RTL4: variants seen among roughly 807,000 people sequenced by gnomAD.
The protein encoded by RTL4 is retrotransposon Gag-like protein 4.
Under a neutral mutation model 5.3 loss-of-function variants are expected in RTL4, and 4 were observed. That is an observed-to-expected ratio of 0.75 (90% CI 0.37 to 1.72). The LOEUF (loss-of-function observed/expected upper bound fraction) is 1.72, where lower values mean the gene tolerates loss of function less well. Ranked by LOEUF, RTL4 falls within the 40% of genes most tolerant of loss-of-function variation. The pLI, the probability that RTL4 is intolerant of heterozygous loss-of-function variation, is 0.04. For synonymous variants in RTL4, 98 were observed against 87.3 expected (o/e 1.12, Z -0.68); for missense variants, 260 against 227.1 (o/e 1.14, Z -0.93).
chrX:112,240,776 T>C, the RTL4 span, among the ~76,000 whole-genome samples: 3 of 111,242 alleles, frequency 2.7e-5, no homozygotes, highest in South Asian at 3.9e-4. Context: ...GCTGCACCCA[T>C]TAACGTGTCA....
the RTL4 span, among the ~76,000 whole-genome samples, chrX:112,392,316 C>T: frequency 1.9e-4 from 21 of 111,399 alleles, no homozygotes; most frequent in African/African-American, 5.2e-4. Context: ...CATAACAGTC[C>T]GGACACTTGT....
chrX:112,204,328 A>C, the RTL4 span, among the ~76,000 whole-genome samples: 1 of 112,239 alleles, frequency 8.9e-6, no homozygotes, highest in Non-Finnish European at 1.9e-5. Context: ...ATATACCCAA[A>C]AAAAAGGAAA....
the RTL4 span, among the ~76,000 whole-genome samples, chrX:112,110,263 G>A: frequency 1.8e-5 from 2 of 112,315 alleles, no homozygotes; most frequent in Non-Finnish European, 3.8e-5. Flanking sequence ...GGAGGTCTAG[G>A]CCTTGGTGGT....
chrX:112,256,257 C>T, the RTL4 span, among the ~76,000 whole-genome samples: 3 of 111,707 alleles, frequency 2.7e-5, no homozygotes, highest in African/African-American at 9.7e-5. Flanking sequence ...GAACAGTAAG[C>T]TTTCCCCCAC....
the RTL4 span, among the ~76,000 whole-genome samples, chrX:112,344,589 C>A: frequency 2.7e-5 from 3 of 111,791 alleles, no homozygotes; most frequent in Non-Finnish European, 5.6e-5. Context: ...AAGTCTGCCC[C>A]CATGACCCAG....
chrX:112,086,236 G>A, the RTL4 span, among the ~76,000 whole-genome samples: 527 of 112,140 alleles, frequency 4.7e-3, 2 homozygotes, highest in South Asian at 0.016. Flanking sequence ...ACTTCTCAGC[G>A]TGTGGCATTT....
the RTL4 span, among the ~76,000 whole-genome samples, chrX:112,126,929 CA>C: frequency 3.6e-5 from 4 of 111,501 alleles, no homozygotes; most frequent in East Asian, 1.1e-3. Context: ...AAGCAGTAAT[CA>C]AAAACATCCC....
chrX:112,162,685 T>A, the RTL4 span, among the ~76,000 whole-genome samples: 1 of 112,059 alleles, frequency 8.9e-6, no homozygotes, highest in Non-Finnish European at 1.9e-5. Flanking sequence ...TTGTTAATTA[T>A]TATTAACTCT....
chrX:112,120,133 G>A, the RTL4 span, among the ~76,000 whole-genome samples: 1 of 111,993 alleles, frequency 8.9e-6, no homozygotes, highest in South Asian at 3.7e-4. Flanking sequence ...CAAAGTTGTG[G>A]TCTTCTTTTC....
At chrX:112,103,550 A>G in the RTL4 span, among the ~76,000 whole-genome samples, 2 of 110,103 alleles carry the variant, frequency 1.8e-5, no homozygotes, top group Non-Finnish European at 3.8e-5. Flanking sequence ...ACAAACCTGC[A>G]CATCCTACAC....
chrX:112,188,930 C>T, the RTL4 span, among the ~76,000 whole-genome samples: 87 of 111,214 alleles, frequency 7.8e-4, no homozygotes, highest in African/African-American at 2.8e-3. Flanking sequence ...CACACAGCCA[C>T]CTGTTAGAGC....
chrX:112,092,749 A>G, the RTL4 span, among the ~76,000 whole-genome samples: 1 of 110,673 alleles, frequency 9.0e-6, no homozygotes, highest in Non-Finnish European at 1.9e-5. Context: ...ATGAGATCTG[A>G]TGGTTTTAAG....
At chrX:112,137,558 T>C in the RTL4 span, among the ~76,000 whole-genome samples, 2 of 111,183 alleles carry the variant, frequency 1.8e-5, no homozygotes, top group Non-Finnish European at 3.8e-5. Flanking sequence ...GAAAACAGCA[T>C]AGAAGAAACC....
At chrX:112,230,746 G>T in the RTL4 span, among the ~76,000 whole-genome samples, 1 of 111,795 alleles carries the variant, frequency 8.9e-6, no homozygotes, top group Non-Finnish European at 1.9e-5. Flanking sequence ...TTAAACTAAA[G>T]AGCTTCTGCA....
the RTL4 span, among the ~76,000 whole-genome samples, chrX:112,119,629 G>T: frequency 2.7e-5 from 3 of 111,760 alleles, no homozygotes; most frequent in African/African-American, 9.8e-5. Context: ...AGGCAGGAAA[G>T]TTGATGACGT....
chrX:112,211,450 A>G, the RTL4 span, among the ~76,000 whole-genome samples: 3 of 112,344 alleles, frequency 2.7e-5, no homozygotes, highest in Non-Finnish European at 5.6e-5. Flanking sequence ...GCATTCGAAC[A>G]TTTGCAACAA....
chrX:112,373,712 C>T, the RTL4 span, among the ~76,000 whole-genome samples: 473 of 106,943 alleles, frequency 4.4e-3, 4 homozygotes, highest in African/African-American at 0.015. Flanking sequence ...GTATATATAC[C>T]AGAACAATCA....
chrX:112,447,220 G>T, the RTL4 span, among the ~76,000 whole-genome samples: 6 of 111,723 alleles, frequency 5.4e-5, no homozygotes, highest in Admixed American at 9.5e-5. Flanking sequence ...GAAAAACATG[G>T]TTTCTCAGAT....
chrX:112,178,824 C>G, the RTL4 span, among the ~76,000 whole-genome samples: 6 of 111,238 alleles, frequency 5.4e-5, no homozygotes, highest in Non-Finnish European at 9.4e-5. Flanking sequence ...CTATCTCTCC[C>G]CTCTGACCAC....
Sources: gnomAD v4.1 joint callset for allele counts (sites outside exome capture counted in the v4.1 genomes callset) on GRCh38, gnomAD v4.1.1 for gene constraint, MANE v1.5 for transcripts, NCBI Gene and HGNC (gene_info 2026-07-23, HGNC 2026-07-21) for gene names.